SNX21: variants seen among roughly 807,000 people sequenced by gnomAD.
The protein encoded by SNX21 is sorting nexin-21.
Under a neutral mutation model 30.9 loss-of-function variants are expected in SNX21, and 36 were observed. That is an observed-to-expected ratio of 1.16 (90% CI 0.89 to 1.54). The LOEUF (loss-of-function observed/expected upper bound fraction) is 1.54. Among genes scored for constraint, SNX21 ranks in the 40% most tolerant of loss-of-function variants. SNX21 has a pLI of 0.00. For missense variants in SNX21, 508 were observed against 516.5 expected (o/e 0.98, Z 0.16); for synonymous variants, 218 against 222.7 (o/e 0.98, Z 0.19).
intron 3 of SNX21, chr20:45,839,999 A>T: frequency 4.1e-6 from 1 of 243,362 alleles, no homozygotes; most frequent in Non-Finnish European, 6.6e-6. Context: ...CAATACTTGT[A>T]CATGTCTCAT....
intron 3 of SNX21, among the ~76,000 whole-genome samples, chr20:45,836,461 G>A (rs1206481262): frequency 1.4e-5 from 2 of 142,544 alleles, no homozygotes; most frequent in Non-Finnish European, 3.0e-5. Flanking sequence ...ACTGCAGTCC[G>A]GCCTGGGCAA....
At chr20:45,834,586 A>C in intron 2 of SNX21, 118 bp downstream of exon 2, 1 of 1,321,956 alleles carries the variant, frequency 7.6e-7, no homozygotes, top group Non-Finnish European at 1.0e-6. Flanking sequence ...ACACTTCTTA[A>C]AGCGCCTGGG....
chr20:45,836,490 C>CAA (rs74176824), intron 3 of SNX21, among the ~76,000 whole-genome samples: 1,400 of 51,266 alleles, frequency 0.027, 129 homozygotes, highest in East Asian at 0.085. Context: ...GACTCCGTCT[C>CAA]AAAAAAAAAA....
rs1320038873 is a variant in SNX21 at position 45,834,348 on chromosome 20, C to T, written c.169C>T (p.Leu57Phe). ...CGACGCCGAGGGCCTGTCCTCCCGA[C>T]TCAGCGGCACCCTCAGCTTCACCAG... ...DDDAEGLSSR[L>F]SGTLSFTSAE... Residue 57 changes from leucine to phenylalanine, a missense_variant, in exon 2 of 4, where the codon CTC (leucine) becomes TTC (phenylalanine). By Grantham distance (22) the Leu-to-Phe change is conservative. Coordinates refer to ENST00000491381, the MANE Select transcript of SNX21 (RefSeq NM_033421.4). 2 of 1,601,348 alleles carry T rather than the reference C, an allele frequency of 1.2e-6. No homozygotes were observed. Among genetic ancestry groups the T allele is most frequent in the Non-Finnish European group, 1.7e-6 (2 of 1,177,650 alleles).
rs1983414653 is a variant in SNX21 at position 45,835,086 on chromosome 20, CGTT to C, written c.420_422del (p.Val141del). The C allele has an allele frequency of 6.2e-7, 1 of 1,613,904 alleles. No individual in the cohort carries two copies. Among genetic ancestry groups the C allele is most frequent in the South Asian group, 1.1e-5 (1 of 91,088 alleles). ...TGCTCTTCGAAGTGACCAGCGCTAA[CGTT>C]GTCAAGGACCCGCCCTCCAAGTACG... On this transcript the variant is annotated inframe_deletion, in exon 3 of 4. Transcript: ENST00000491381.
In SNX21 at chr20:45,843,008, A is replaced by G; in HGVS notation, c.*1695A>G. ...AGGTCCAAGCAGGCCCTTAGGGACC[A>G]CTGAATGCCCCGATCCCAATCAGGT... is the stretch of plus-strand genomic sequence containing the variant. On this transcript the variant is annotated 3_prime_UTR_variant, in exon 4 of 4. Coordinates refer to ENST00000491381, the MANE Select transcript of SNX21 (RefSeq NM_033421.4). The G allele has an allele frequency of 9.2e-7, 1 of 1,084,602 alleles. No individual in the cohort carries two copies. Among genetic ancestry groups the G allele is most frequent in the Non-Finnish European group, 1.1e-6 (1 of 887,640 alleles). 67.2% of individuals were successfully genotyped at this position (1,084,602 alleles called of 1,614,324 possible).
At chr20:45,835,156 A>C in intron 3 of SNX21, 40 bp downstream of exon 3, 1 of 1,574,434 alleles carries the variant, frequency 6.4e-7, no homozygotes, top group Non-Finnish European at 8.6e-7. Context: ...TGAGTCCAGA[A>C]GTATGGCTAG....
At chr20:45,840,242 A>C (rs1243523049) in intron 3 of SNX21, 7 of 1,442,094 alleles carry the variant, frequency 4.9e-6, no homozygotes, top group Non-Finnish European at 6.4e-6. Flanking sequence ...CCAGGTGTCC[A>C]AAGTGGAACA....
rs923197462 is a variant in SNX21, at chr20:45,834,099, G to A, written c.22-102G>A. The A allele has an allele frequency of 8.6e-6, 12 of 1,403,356 alleles. No homozygotes were observed. The Admixed American group carries it at 2.2e-4, about 25-fold the overall frequency. 86.9% of individuals were successfully genotyped at this position (1,403,356 alleles called of 1,614,324 possible). On this transcript the variant is annotated intron_variant, in intron 1 of 3. Transcript: ENST00000491381. ...CTGCCAGGGGGTGGGGCCTCACCGC[G>A]CCCCTCCCTCTCCGGTTCGGGCCCC... is the stretch of plus-strand genomic sequence containing the variant.
intron 3 of SNX21, among the ~76,000 whole-genome samples, chr20:45,837,882 C>T (rs1983677509): frequency 6.6e-6 from 1 of 151,922 alleles, no homozygotes; most frequent in East Asian, 1.9e-4. Context: ...AAGCAATCCT[C>T]CCGCCTCAGC....
At chr20:45,835,154 G>T in intron 3 of SNX21, 38 bp downstream of exon 3, 2 of 1,577,936 alleles carry the variant, frequency 1.3e-6, no homozygotes, top group Non-Finnish European at 1.7e-6. Flanking sequence ...TGTGAGTCCA[G>T]AAGTATGGCT....
At position 45,835,092 on chromosome 20, in the gene SNX21, C is replaced by T. The variant is rs141490712; in HGVS notation, c.423C>T (p.Val141=). ...TCGAAGTGACCAGCGCTAACGTTGTCAAGGACCCGCCCTCCAAGTACGTGG... is the reference window on the plus strand; with the variant it reads ...TCGAAGTGACCAGCGCTAACGTTGTTAAGGACCCGCCCTCCAAGTACGTGG... ...LLFEVTSANV[V]KDPPSKYVLY... is the part of the protein sequence containing the mutation. Residue 141 remains valine, a synonymous_variant, in exon 3 of 4, where the codon GTC becomes GTT. Transcript: ENST00000491381. The T allele has an allele frequency of 2.5e-6, 4 of 1,613,734 alleles. No individual in the cohort carries two copies. Among genetic ancestry groups the T allele is most frequent in the African/African-American group, 1.3e-5 (1 of 75,048 alleles).
chr20:45,840,231 G>A, intron 3 of SNX21: 1 of 1,431,538 alleles, frequency 7.0e-7, no homozygotes, highest in South Asian at 1.5e-5. Flanking sequence ...GGATGTGGAG[G>A]CCAGGTGTCC....
chr20:45,839,547 AC>A (rs1048429136), intron 3 of SNX21, among the ~76,000 whole-genome samples: 11 of 151,770 alleles, frequency 7.2e-5, no homozygotes, highest in African/African-American at 2.7e-4. Context: ...AAATAAAAAA[AC>A]CCCAACAAAA....
chr20:45,835,044 C>T lies in SNX21; in HGVS notation c.375C>T (p.Thr125=). ...ATTTCTGGAAGAAGTCCCGGAACACCTTGGCACCCCAGCGGCTGCTCTTCG... is the reference window on the plus strand; with the variant it reads ...ATTTCTGGAAGAAGTCCCGGAACACTTTGGCACCCCAGCGGCTGCTCTTCG... ...LQDFWKKSRN[T]LAPQRLLFEV... is the part of the protein sequence containing the mutation. The change falls in exon 3 of 4, where the codon ACC becomes ACT. Residue 125 remains threonine (T), a synonymous_variant. Transcript: ENST00000491381. 6.2e-7 allele frequency: 1 copy of T among 1,614,254 alleles called. No individual in the cohort carries two copies. Among genetic ancestry groups the T allele is most frequent in the Non-Finnish European group, 8.5e-7 (1 of 1,180,044 alleles).
Position 45,840,512 on chromosome 20 carries a change from G to A in SNX21, c.448-127G>A, listed in dbSNP as rs376533458. ...TGCGCAGCAGCTCCCGCCCTCCTGG[G>A]TGCTGTCCCAGGGGTGAAAGGAAGA... On this transcript the variant is annotated intron_variant, in intron 3 of 3. Coordinates refer to ENST00000491381, the MANE Select transcript of SNX21 (RefSeq NM_033421.4). The A allele has an allele frequency of 7.3e-5, 118 of 1,613,822 alleles. No individual in the cohort carries two copies. In the African/African-American group the frequency reaches 1.1e-3, roughly 15 times the overall value.
chr20:45,838,429 A>G (rs1162445240), intron 3 of SNX21: 1 of 151,702 alleles, frequency 6.6e-6, no homozygotes, highest in Non-Finnish European at 1.5e-5. Context: ...CGTACGTGGA[A>G]AGTCTCACTT....
chr20:45,839,050 C>A (rs1042835579), intron 3 of SNX21, among the ~76,000 whole-genome samples: 4 of 151,974 alleles, frequency 2.6e-5, no homozygotes, highest in Non-Finnish European at 5.9e-5. Context: ...TGTGCCACCA[C>A]GCCTGGCTAA....
At position 45,834,255 on chromosome 20, in the gene SNX21, G is replaced by A. The variant is rs764202503; in HGVS notation, c.76G>A (p.Gly26Ser). The A allele has an allele frequency of 3.3e-5, 52 of 1,576,624 alleles. No individual in the cohort carries two copies. In the South Asian group the frequency reaches 5.7e-4, roughly 17 times the overall value. Residue 26 changes from glycine (G) to serine (S), a missense_variant, in exon 2 of 4, where the codon GGC (glycine) becomes AGC (serine). By Grantham distance (56) the Gly-to-Ser change is moderately conservative. Coordinates refer to ENST00000491381, the MANE Select transcript of SNX21 (RefSeq NM_033421.4). ...GCTGCGGCACGCCTTGGCCGGCGAC[G>A]GCCCCGGGGAGGCGGCGGCCAGTCC... ...HRLRHALAGD[G>S]PGEAAASPEA...
Sources: gnomAD v4.1 joint callset for allele counts (sites outside exome capture counted in the v4.1 genomes callset) on GRCh38, gnomAD v4.1.1 for gene constraint, MANE v1.5 for transcripts, NCBI Gene and HGNC (gene_info 2026-07-23, HGNC 2026-07-21) for gene names.